TBCEL: variants seen among roughly 807,000 people sequenced by gnomAD.
The protein encoded by TBCEL is tubulin folding cofactor E like, also known as tubulin-specific chaperone cofactor E-like protein.
A neutral mutation model predicts 44.2 loss-of-function variants in TBCEL; 15 were observed. That is an observed-to-expected ratio of 0.34 (90% confidence interval 0.23 to 0.52). TBCEL has a LOEUF of 0.52. Among genes scored for constraint, TBCEL ranks in the 20% least tolerant of loss-of-function variants. The pLI, the probability that TBCEL is intolerant of heterozygous loss-of-function variation, is 0.95. For missense variants in TBCEL, 319 were observed against 506.3 expected (o/e 0.63, Z 3.55); for synonymous variants, 171 against 185.4 (o/e 0.92, Z 0.63).
chr11:121,043,279 T>A (rs545165552), intron 2 of TBCEL, among the ~76,000 whole-genome samples: 3 of 152,284 alleles, frequency 2.0e-5, no homozygotes, highest in African/African-American at 7.2e-5. Flanking sequence ...TATAATAAAC[T>A]ATGCCTGATG....
intron 2 of TBCEL, among the ~76,000 whole-genome samples, chr11:121,038,706 C>T (rs1267029979): frequency 6.6e-6 from 1 of 152,244 alleles, no homozygotes; most frequent in East Asian, 1.9e-4. Flanking sequence ...GCTGACCTCC[C>T]CCGACCCCCT....
intron 8 of TBCEL, among the ~76,000 whole-genome samples, chr11:121,076,852 AG>A (rs1946042532): frequency 6.6e-6 from 1 of 151,980 alleles, no homozygotes; most frequent in South Asian, 2.1e-4. Flanking sequence ...AGTTTGCTGG[AG>A]CTTTTCATGA....
At chr11:121,048,487 T>G (rs1436963834) in intron 4 of TBCEL, among the ~76,000 whole-genome samples, 2 of 151,942 alleles carry the variant, frequency 1.3e-5, no homozygotes, top group African/African-American at 4.8e-5. Flanking sequence ...GGTTAAAATG[T>G]TCTTCCTACT....
At chr11:121,064,562 T>C (rs1372843615) in intron 8 of TBCEL, among the ~76,000 whole-genome samples, 1 of 152,234 alleles carries the variant, frequency 6.6e-6, no homozygotes, top group Non-Finnish European at 1.5e-5. Flanking sequence ...TACTTTCCTA[T>C]GCACTAGTGG....
chr11:121,064,566 C>CT (rs1311547391), intron 8 of TBCEL, among the ~76,000 whole-genome samples: 8 of 152,202 alleles, frequency 5.3e-5, no homozygotes, highest in African/African-American at 1.7e-4. Context: ...TTCCTATGCA[C>CT]TAGTGGTTCA....
At chr11:121,068,421 G>A (rs1373848191) in intron 8 of TBCEL, among the ~76,000 whole-genome samples, 4 of 150,958 alleles carry the variant, frequency 2.6e-5, no homozygotes, top group African/African-American at 9.8e-5. Context: ...CAAAACCTAT[G>A]TATAGAATCT....
chr11:121,062,778 A>G (rs1174466484), intron 8 of TBCEL, among the ~76,000 whole-genome samples: 1 of 152,174 alleles, frequency 6.6e-6, no homozygotes, highest in Non-Finnish European at 1.5e-5. Flanking sequence ...CCAACTTTAG[A>G]CAGGAACCAA....
chr11:121,070,846 A>AAC (rs547294131), intron 8 of TBCEL, among the ~76,000 whole-genome samples: 2 of 152,154 alleles, frequency 1.3e-5, no homozygotes, highest in African/African-American at 4.8e-5. Flanking sequence ...AAAAAAAAAA[A>AAC]AAGGCAGCAG....
chr11:121,054,580 G>T (rs938380065), intron 5 of TBCEL, among the ~76,000 whole-genome samples: 1 of 151,750 alleles, frequency 6.6e-6, no homozygotes, highest in Non-Finnish European at 1.5e-5. Flanking sequence ...CCTGGCATAG[G>T]GTCTGACACA....
chr11:121,052,882 C>T (rs185442297), intron 4 of TBCEL, among the ~76,000 whole-genome samples: 53 of 151,926 alleles, frequency 3.5e-4, no homozygotes, highest in Non-Finnish European at 5.2e-4. Flanking sequence ...ACCATGCAGA[C>T]CAAATAGCTA....
At chr11:121,033,830 C>CATTTATCTACCTTTTGACTAT in intron 1 of TBCEL, among the ~76,000 whole-genome samples, 2 of 151,554 alleles carry the variant, frequency 1.3e-5, no homozygotes, top group African/African-American at 4.9e-5. Context: ...CCTCTGGCTC[C>CATTTATCTACCTTTTGACTAT]TGACAATCAC....
At chr11:121,045,930 C>A in intron 3 of TBCEL, 107 bp downstream of exon 3, 1 of 1,204,060 alleles carries the variant, frequency 8.3e-7, no homozygotes, top group South Asian at 2.3e-5. Context: ...TAATTACAGT[C>A]AAATAGTCTT....
intron 7 of TBCEL, 150 bp from the exon 8 acceptor site, chr11:121,059,819 T>C: frequency 3.4e-6 from 2 of 587,578 alleles, no homozygotes; most frequent in Non-Finnish European, 5.8e-6. Flanking sequence ...TAGACCACTT[T>C]AGTTCATGTC....
intron 8 of TBCEL, among the ~76,000 whole-genome samples, chr11:121,085,708 A>G (rs774038419): frequency 2.0e-5 from 3 of 151,866 alleles, no homozygotes; most frequent in Admixed American, 6.6e-5. Context: ...AGGTCTTGCT[A>G]TGTTGTCCAT....
chr11:121,037,677 A>G (rs983299737), intron 2 of TBCEL, among the ~76,000 whole-genome samples: 2 of 152,216 alleles, frequency 1.3e-5, no homozygotes, highest in African/African-American at 4.8e-5. Flanking sequence ...ATAAAACTAT[A>G]TATCTAATCT....
In TBCEL at chr11:121,038,863, G is replaced by T. The variant is rs146899280; in HGVS notation, c.-18+2251G>T. Among the ~76,000 whole-genome samples, 1,082 of 151,762 alleles carry T rather than the reference G, an allele frequency of 7.1e-3. 49 individuals are homozygous for T. The highest frequency in any genetic ancestry group is 0.045 in the Admixed American group (690 of 15,242). ...AAGGTATGATTGCTACTCTTTTCTCGGCTTATTTACTTAACTCCCTATTCT... is the reference window on the plus strand; with the variant it reads ...AAGGTATGATTGCTACTCTTTTCTCTGCTTATTTACTTAACTCCCTATTCT... On this transcript the variant is annotated intron_variant, in intron 2 of 8. Coordinates refer to ENST00000683345, the MANE Select transcript of TBCEL (RefSeq NM_001363644.2).
chr11:121,086,074 C>T (rs1591426451), intron 8 of TBCEL, among the ~76,000 whole-genome samples: 2 of 152,220 alleles, frequency 1.3e-5, no homozygotes, highest in African/African-American at 2.4e-5. Flanking sequence ...GCTGGCAGTG[C>T]AGACAAGATT....
chr11:121,048,236 A>G (rs2134928657), intron 4 of TBCEL, among the ~76,000 whole-genome samples: 1 of 152,000 alleles, frequency 6.6e-6, no homozygotes, highest in South Asian at 2.1e-4. Context: ...AACTGAGAAT[A>G]TATATAAATA....
chr11:121,063,022 G>C (rs548040574), intron 8 of TBCEL, among the ~76,000 whole-genome samples: 26 of 151,902 alleles, frequency 1.7e-4, no homozygotes, highest in African/African-American at 5.8e-4. Context: ...TGTTGGTGCA[G>C]TTAATAGAAG....
Sources: gnomAD v4.1 joint callset for allele counts (sites outside exome capture counted in the v4.1 genomes callset) on GRCh38, gnomAD v4.1.1 for gene constraint, MANE v1.5 for transcripts, NCBI Gene and HGNC (gene_info 2026-07-23, HGNC 2026-07-21) for gene names.